ACYP2: variants seen among roughly 807,000 people sequenced by gnomAD.
ACYP2 encodes acylphosphatase 2.
ACYP2 carries 12 observed loss-of-function variants against 11.2 expected under a neutral mutation model. That is an observed-to-expected ratio of 1.08 (90% CI 0.69 to 1.74). The LOEUF (loss-of-function observed/expected upper bound fraction) is 1.74. ACYP2 is among the 40% of genes most tolerant of loss of function. The pLI is 0.00. For synonymous variants in ACYP2, 43 were observed against 32.2 expected (o/e 1.33, Z -1.13); for missense variants, 134 against 101.9 (o/e 1.31, Z -1.35).
At chr2:54,089,732 G>A (rs1010686208) in intron 4 of ACYP2, among the ~76,000 whole-genome samples, 2 of 149,878 alleles carry the variant, frequency 1.3e-5, no homozygotes, top group Non-Finnish European at 3.0e-5. Flanking sequence ...AGAGTGAGAC[G>A]CGGTCCCAAA....
intron 4 of ACYP2, among the ~76,000 whole-genome samples, chr2:54,059,423 T>C (rs752098866): frequency 2.6e-5 from 4 of 152,286 alleles, no homozygotes; most frequent in Non-Finnish European, 4.4e-5. Flanking sequence ...TTTCACCATG[T>C]TGGCCAGGCT....
chr2:54,228,427 G>A (rs1387218939), intron 6 of ACYP2, among the ~76,000 whole-genome samples: 1 of 152,198 alleles, frequency 6.6e-6, no homozygotes, highest in Admixed American at 6.5e-5. Flanking sequence ...CCATTTTGGA[G>A]ATGAAGAAAT....
intron 4 of ACYP2, among the ~76,000 whole-genome samples, chr2:54,061,031 T>A (rs1443343924): frequency 6.6e-6 from 1 of 152,152 alleles, no homozygotes; most frequent in Non-Finnish European, 1.5e-5. Context: ...ATTAATTATT[T>A]TTTCATAGAG....
At chr2:54,255,255 T>A (rs780452542) in intron 6 of ACYP2, 1 of 1,614,180 alleles carries the variant, frequency 6.2e-7, no homozygotes, top group Non-Finnish European at 8.5e-7. Flanking sequence ...AAGGGTTTCT[T>A]TGAAAGAAGA....
intron 6 of ACYP2, among the ~76,000 whole-genome samples, chr2:54,281,070 G>A (rs1250247646): frequency 6.6e-6 from 1 of 152,114 alleles, no homozygotes; most frequent in Admixed American, 6.5e-5. Flanking sequence ...GAGAGAAGTT[G>A]GAGGTTTAAA....
At chr2:54,075,829 C>T (rs935094389) in intron 4 of ACYP2, among the ~76,000 whole-genome samples, 17 of 151,798 alleles carry the variant, frequency 1.1e-4, no homozygotes, top group African/African-American at 2.4e-5. Context: ...AAAAAATTCT[C>T]GTAATAAAAT....
chr2:54,178,517 T>A (rs899854333), intron 6 of ACYP2, among the ~76,000 whole-genome samples: 2 of 152,194 alleles, frequency 1.3e-5, no homozygotes, highest in Non-Finnish European at 2.9e-5. Flanking sequence ...CACATTAAGA[T>A]CCCCAGTTCA....
intron 6 of ACYP2, among the ~76,000 whole-genome samples, chr2:54,203,803 C>CCT (rs557424770): frequency 6.8e-6 from 1 of 147,830 alleles, no homozygotes; most frequent in African/African-American, 2.5e-5. Context: ...CTAATACCCC[C>CCT]TTTTTTTTTT....
chr2:54,174,826 T>A (rs971577855), intron 6 of ACYP2, among the ~76,000 whole-genome samples: 1 of 152,190 alleles, frequency 6.6e-6, no homozygotes, highest in African/African-American at 2.4e-5. Flanking sequence ...ATGGATTACA[T>A]TTATTGATTT....
intron 6 of ACYP2, among the ~76,000 whole-genome samples, chr2:54,174,460 T>A (rs1289409468): frequency 6.6e-6 from 1 of 152,204 alleles, no homozygotes; most frequent in Non-Finnish European, 1.5e-5. Context: ...TATAATCATG[T>A]CATCTGCAAA....
intron 6 of ACYP2, among the ~76,000 whole-genome samples, chr2:54,272,050 G>A (rs1400364773): frequency 6.6e-6 from 1 of 152,186 alleles, no homozygotes; most frequent in Non-Finnish European, 1.5e-5. Context: ...CTCAACTGAG[G>A]AAGCCATTGA....
chr2:54,106,149 T>C (rs1679144790), intron 4 of ACYP2, among the ~76,000 whole-genome samples: 1 of 152,180 alleles, frequency 6.6e-6, no homozygotes, highest in Admixed American at 6.5e-5. Context: ...ATATAGTCAA[T>C]CAGCAAAATG....
At chr2:53,975,531 A>G (rs189577860) in intron 2 of ACYP2, among the ~76,000 whole-genome samples, 44 of 152,192 alleles carry the variant, frequency 2.9e-4, no homozygotes, top group African/African-American at 9.9e-4. Context: ...CCAAAGGATA[A>G]CAGCACGTTA....
chr2:54,194,349 A>C (rs1257317912), intron 6 of ACYP2, among the ~76,000 whole-genome samples: 2 of 151,992 alleles, frequency 1.3e-5, no homozygotes, highest in Non-Finnish European at 2.9e-5. Flanking sequence ...CCCCATCAAC[A>C]TTTTCTTTTG....
intron 4 of ACYP2, among the ~76,000 whole-genome samples, chr2:54,089,093 G>A (rs768318546): frequency 4.6e-5 from 7 of 152,180 alleles, no homozygotes; most frequent in African/African-American, 1.2e-4. Context: ...AGCTGCTCTC[G>A]AAATGGAGTT....
chr2:54,252,963 A>C (rs1237213533), intron 6 of ACYP2, among the ~76,000 whole-genome samples: 6 of 152,078 alleles, frequency 3.9e-5, no homozygotes, highest in Non-Finnish European at 7.4e-5. Flanking sequence ...TCTCACAAGC[A>C]CTTCCACTCT....
chr2:54,161,406 C>G (rs1682705676), intron 6 of ACYP2, among the ~76,000 whole-genome samples: 1 of 152,146 alleles, frequency 6.6e-6, no homozygotes, highest in Non-Finnish European at 1.5e-5. Context: ...TATCTAACCC[C>G]TATTGATGGG....
chr2:54,146,953 C>T (rs1478020025), intron 6 of ACYP2, among the ~76,000 whole-genome samples: 1 of 151,924 alleles, frequency 6.6e-6, no homozygotes, highest in African/African-American at 2.4e-5. Context: ...CACCACCACA[C>T]CCAGCTAATT....
rs1402004516 is a variant in ACYP2, at chr2:54,267,363, C to T, written c.405-37325C>T. 3 of 1,546,316 alleles carry T rather than the reference C, an allele frequency of 1.9e-6. No homozygotes were observed. In the South Asian group the frequency reaches 3.6e-5, roughly 19 times the overall value. On this transcript the variant is annotated intron_variant, in intron 6 of 6. Transcript: ENST00000607452. ...ATAGGGCAACAGCTAGAGGAGAATT[C>T]AGGTGAGAGGTTTCTACTTTCAAAT...
Sources: allele counts gnomAD v4.1 joint callset (sites outside exome capture counted in the v4.1 genomes callset), GRCh38; gene constraint gnomAD v4.1.1; transcripts MANE v1.5; gene names NCBI Gene and HGNC (gene_info 2026-07-23, HGNC 2026-07-21).